Variants in RASGRF2 observed in about 807,000 individuals in gnomAD.
The protein encoded by RASGRF2 is ras-specific guanine nucleotide-releasing factor 2.
A neutral mutation model predicts 151.0 loss-of-function variants in RASGRF2; 76 were observed. The observed-to-expected ratio is 0.50, with a 90% confidence interval of 0.42 to 0.61. The LOEUF (loss-of-function observed/expected upper bound fraction) is 0.61, where lower values mean the gene tolerates loss of function less well. RASGRF2 is among the 20% of genes least tolerant of loss of function. RASGRF2 has a pLI of 0.00. For missense variants in RASGRF2, 1,148 were observed against 1,564.6 expected (o/e 0.73, Z 4.49); for synonymous variants, 504 against 566.5 (o/e 0.89, Z 1.57).
At chr5:81,069,456 T>C (rs557765653) in intron 3 of RASGRF2, among the ~76,000 whole-genome samples, 208 of 152,376 alleles carry the variant, frequency 1.4e-3, no homozygotes, top group African/African-American at 4.6e-3. Context: ...CTGGAGCAGA[T>C]GCTTGTCTGC....
chr5:80,985,475 A>T (rs976659805), intron 1 of RASGRF2, among the ~76,000 whole-genome samples: 17 of 152,246 alleles, frequency 1.1e-4, no homozygotes, highest in African/African-American at 4.1e-4. Context: ...GAGAATTTAT[A>T]AAAGTCTATT....
At chr5:81,054,800 G>C (rs1464073312) in intron 2 of RASGRF2, among the ~76,000 whole-genome samples, 14 of 142,696 alleles carry the variant, frequency 9.8e-5, no homozygotes, top group African/African-American at 2.9e-4. Flanking sequence ...CTTTTATTTC[G>C]TTGAGCAGTG....
In RASGRF2 at chr5:81,145,785, C is replaced by T. The variant is rs143329387; in HGVS notation, c.2686+18622C>T. ...GACTCCAGCCGCATGGCCCTGAGCCCGATCCACCCAGCTAAGCCTCCGAAT... is the reference window on the plus strand; with the variant it reads ...GACTCCAGCCGCATGGCCCTGAGCCTGATCCACCCAGCTAAGCCTCCGAAT... On this transcript the variant is annotated intron_variant, in intron 17 of 26. Coordinates refer to ENST00000265080, the MANE Select transcript of RASGRF2 (RefSeq NM_006909.3). 1.3e-3 allele frequency among the ~76,000 whole-genome samples: 197 copies of T among 152,272 alleles called. 1 individual carries two copies. The highest frequency in any genetic ancestry group is 4.5e-3 in the African/African-American group (186 of 41,550).
chr5:81,118,653 CTT>C (rs1459483101), intron 15 of RASGRF2, among the ~76,000 whole-genome samples: 2 of 152,242 alleles, frequency 1.3e-5, no homozygotes, highest in Admixed American at 6.5e-5. Context: ...CCTTTTCACT[CTT>C]TACGTGGCTG....
chr5:81,224,934 TATC>T (rs1356982845), intron 26 of RASGRF2, among the ~76,000 whole-genome samples: 2 of 152,212 alleles, frequency 1.3e-5, no homozygotes, highest in East Asian at 1.9e-4. Flanking sequence ...CTGAAATTGT[TATC>T]ATGAAATGTA....
chr5:81,203,736 A>C (rs549043105), intron 19 of RASGRF2, among the ~76,000 whole-genome samples: 1 of 152,336 alleles, frequency 6.6e-6, no homozygotes, highest in South Asian at 2.1e-4. Flanking sequence ...GGGACTCATA[A>C]TAGCTACTTC....
intron 17 of RASGRF2, among the ~76,000 whole-genome samples, chr5:81,142,237 T>A (rs34122): frequency 0.68 from 103,065 of 151,926 alleles, 35,185 homozygotes; most frequent in East Asian, 0.81. Flanking sequence ...CTCAAAATAT[T>A]CCTGTCCCGG....
intron 18 of RASGRF2, among the ~76,000 whole-genome samples, chr5:81,183,851 G>A (rs75163850): frequency 3.3e-5 from 5 of 152,238 alleles, no homozygotes; most frequent in Non-Finnish European, 7.3e-5. Context: ...TCCCAAGGAT[G>A]TGATGAAGTT....
chr5:81,172,457 G>A (rs1347844692), intron 17 of RASGRF2, among the ~76,000 whole-genome samples: 1 of 151,748 alleles, frequency 6.6e-6, no homozygotes, highest in Non-Finnish European at 1.5e-5. Flanking sequence ...GTGTGTGTGT[G>A]TGTGTGTGTG....
chr5:81,055,971 A>G (rs1381184309), intron 2 of RASGRF2, among the ~76,000 whole-genome samples: 4 of 151,454 alleles, frequency 2.6e-5, no homozygotes, highest in South Asian at 4.2e-4. Context: ...GGGATCAGTG[A>G]TATCCCCTTT....
intron 1 of RASGRF2, among the ~76,000 whole-genome samples, chr5:81,038,592 T>G (rs1477333489): frequency 1.9e-5 from 2 of 107,894 alleles, no homozygotes; most frequent in African/African-American, 7.2e-5. Flanking sequence ...TTTTTTTTTG[T>G]AGAGATGGGG....
intron 1 of RASGRF2, among the ~76,000 whole-genome samples, chr5:80,984,930 G>A (rs1021031118): frequency 9.2e-5 from 14 of 152,186 alleles, no homozygotes; most frequent in Non-Finnish European, 1.8e-4. Context: ...TCTGAAAGAG[G>A]CCTGTGTAGT....
At chr5:81,167,128 A>G (rs1754530697) in intron 17 of RASGRF2, among the ~76,000 whole-genome samples, 1 of 152,214 alleles carries the variant, frequency 6.6e-6, no homozygotes, top group South Asian at 2.1e-4. Flanking sequence ...GAGTTATGTT[A>G]CATTGCCCTC....
intron 1 of RASGRF2, among the ~76,000 whole-genome samples, chr5:80,985,559 T>G (rs1748448948): frequency 6.6e-6 from 1 of 152,168 alleles, no homozygotes; most frequent in Admixed American, 6.5e-5. Flanking sequence ...GCAAACAAAT[T>G]GTTTTGGTAG....
chr5:81,115,377 T>G (rs1362797472), intron 15 of RASGRF2, among the ~76,000 whole-genome samples: 2 of 152,154 alleles, frequency 1.3e-5, no homozygotes, highest in Admixed American at 6.6e-5. Flanking sequence ...TCATGATGGA[T>G]TCTTATCAGG....
intron 1 of RASGRF2, among the ~76,000 whole-genome samples, chr5:81,003,050 CAA>C (rs1749127965): frequency 6.6e-6 from 1 of 150,558 alleles, no homozygotes; most frequent in African/African-American, 2.4e-5. Flanking sequence ...TTTAATATCA[CAA>C]AGAGACTATT....
At position 81,227,162 on chromosome 5, in the gene RASGRF2, G is replaced by T. The variant is rs929999146; in HGVS notation, c.*1392G>T. On this transcript the variant is annotated 3_prime_UTR_variant, in exon 27 of 27. Coordinates refer to ENST00000265080, the MANE Select transcript of RASGRF2 (RefSeq NM_006909.3). ...CTTATTGATGCTGACAATGAAAAATGGATCTGTCTGGCTGCTTTCCCTCTT... is the reference window on the plus strand; with the variant it reads ...CTTATTGATGCTGACAATGAAAAATTGATCTGTCTGGCTGCTTTCCCTCTT... The T allele has an allele frequency of 7.9e-5, 12 of 152,210 alleles. No homozygotes were observed. Among genetic ancestry groups the T allele is most frequent in the African/African-American group, 2.9e-4 (12 of 41,442 alleles). The allele number at this position is 152,210 out of a possible 1,614,324, so 9.4% of individuals were successfully genotyped here.
Position 81,157,841 on chromosome 5 carries a change from T to C in RASGRF2, c.2687-22334T>C, listed in dbSNP as rs565406557. Among the ~76,000 whole-genome samples the C allele has an allele frequency of 3.3e-5, 5 of 152,302 alleles. No individual in the cohort carries two copies. In the South Asian group the frequency reaches 1.0e-3, roughly 32 times the overall value. ...GGGAAAACCGCCCCTGTGATTCACT[T>C]ATCTCCCACCAGGTCCCTCCCAATA... On this transcript the variant is annotated intron_variant, in intron 17 of 26. Transcript: ENST00000265080.
At chr5:81,212,244 A>G (rs1204198246) in intron 22 of RASGRF2, 122 bp from the exon 23 acceptor site, 3 of 627,504 alleles carry the variant, frequency 4.8e-6, no homozygotes, top group Non-Finnish European at 8.3e-6. Flanking sequence ...AATGTAGAAT[A>G]TGATCTTCAA....
Sources: gnomAD v4.1 joint callset for allele counts (sites outside exome capture counted in the v4.1 genomes callset) on GRCh38, gnomAD v4.1.1 for gene constraint, MANE v1.5 for transcripts, NCBI Gene and HGNC (gene_info 2026-07-23, HGNC 2026-07-21) for gene names.